PRKAB2: variants seen among roughly 807,000 people sequenced by gnomAD.
The protein encoded by PRKAB2 is 5'-AMP-activated protein kinase subunit beta-2.
Under a neutral mutation model 29.8 loss-of-function variants are expected in PRKAB2, and 18 were observed. The ratio of observed to expected loss-of-function variants is 0.60; its 90% CI spans 0.42 to 0.89. The LOEUF (loss-of-function observed/expected upper bound fraction) is 0.89, where lower values mean the gene tolerates loss of function less well. Ranked by LOEUF, PRKAB2 falls within the 40% of genes least tolerant of loss-of-function variation. PRKAB2 has a pLI of 0.00. For missense variants in PRKAB2, 270 were observed against 344.3 expected (o/e 0.78, Z 1.71); for synonymous variants, 136 against 125.9 (o/e 1.08, Z -0.54).
intron 5 of PRKAB2, among the ~76,000 whole-genome samples, chr1:147,164,065 T>G (rs1004791487): frequency 6.6e-6 from 1 of 151,834 alleles, no homozygotes; most frequent in African/African-American, 2.4e-5. Flanking sequence ...GCCTTCAGAG[T>G]AGTTGGTACT....
intron 5 of PRKAB2, among the ~76,000 whole-genome samples, chr1:147,165,028 C>A (rs6689934): frequency 0.051 from 7,707 of 152,258 alleles, 322 homozygotes; most frequent in East Asian, 0.16. Flanking sequence ...GTTTCCTCAA[C>A]AGATGATTAC....
At chr1:147,170,273 C>T (rs1437795504) in intron 2 of PRKAB2, among the ~76,000 whole-genome samples, 1 of 152,158 alleles carries the variant, frequency 6.6e-6, no homozygotes, top group Non-Finnish European at 1.5e-5. Context: ...TCTTAATTCA[C>T]AAATGCCAAG....
At chr1:147,167,497 G>C (rs1283666367) in intron 3 of PRKAB2, among the ~76,000 whole-genome samples, 2 of 152,156 alleles carry the variant, frequency 1.3e-5, no homozygotes, top group Non-Finnish European at 2.9e-5. Flanking sequence ...CACAAGCATA[G>C]ACAGGACTTG....
chr1:147,172,230 GC>G, intron 1 of PRKAB2, 63 bp from the exon 2 acceptor site: 2 of 1,440,408 alleles, frequency 1.4e-6, no homozygotes, highest in South Asian at 2.9e-5. Context: ...GCGCCCCCCG[GC>G]CCCGCCCCTG....
intron 5 of PRKAB2, among the ~76,000 whole-genome samples, chr1:147,165,078 T>G (rs949893527): frequency 2.6e-5 from 4 of 152,184 alleles, no homozygotes; most frequent in Non-Finnish European, 2.9e-5. Context: ...CAGGCTGGAG[T>G]GCAGTGGCGA....
intron 7 of PRKAB2, among the ~76,000 whole-genome samples, chr1:147,160,308 G>C (rs1399799475): frequency 6.6e-6 from 1 of 152,064 alleles, no homozygotes; most frequent in Non-Finnish European, 1.5e-5. Context: ...ATCAGGAATG[G>C]GTCAGAACCA....
chr1:147,163,635 A>G (rs1654082559), intron 5 of PRKAB2, among the ~76,000 whole-genome samples: 1 of 152,226 alleles, frequency 6.6e-6, no homozygotes, highest in Non-Finnish European at 1.5e-5. Context: ...TGAAATGTCC[A>G]GAACAGGCAA....
chr1:147,167,733 C>T (rs781997001), intron 3 of PRKAB2, 34 bp downstream of exon 3: 4 of 1,596,932 alleles, frequency 2.5e-6, no homozygotes, highest in South Asian at 1.1e-5. Flanking sequence ...GTCTCTATTC[C>T]TGGACCCTTA....
At position 147,155,696 on chromosome 1, in the gene PRKAB2, T is replaced by C. The variant is rs1322096452; in HGVS notation, c.*3869A>G. On this transcript the variant is annotated 3_prime_UTR_variant, in exon 8 of 8. Coordinates refer to ENST00000254101, the MANE Select transcript of PRKAB2 (RefSeq NM_005399.5). ...CTTACTGCAAAAGTGCTGTGCTACATACAATCAATTCAAGTTAACTCCAAC... is the reference window on the plus strand; with the variant it reads ...CTTACTGCAAAAGTGCTGTGCTACACACAATCAATTCAAGTTAACTCCAAC... 6.6e-6 allele frequency: 1 copy of C among 152,598 alleles called. No individual in the cohort carries two copies. Among genetic ancestry groups the C allele is most frequent in the Non-Finnish European group, 1.5e-5 (1 of 68,018 alleles). The allele number at this position is 152,598 out of a possible 1,614,324, so 9.5% of individuals were successfully genotyped here. A position where few individuals can be genotyped will look rare whatever the true frequency, so the allele number is the denominator to read the frequency against.
chr1:147,167,247 C>T (rs1159079909), intron 3 of PRKAB2, among the ~76,000 whole-genome samples: 4 of 152,140 alleles, frequency 2.6e-5, no homozygotes, highest in African/African-American at 7.2e-5. Context: ...AGTTCCTCAC[C>T]AGTGCAAATA....
In PRKAB2 at chr1:147,166,387, C is replaced by G; in HGVS notation, c.538+111G>C. 4 of 1,224,658 alleles carry G rather than the reference C, an allele frequency of 3.3e-6. No individual in the cohort carries two copies. In the African/African-American group the frequency reaches 4.6e-5, roughly 14 times the overall value. The allele number at this position is 1,224,658 out of a possible 1,614,324, so 75.9% of individuals were successfully genotyped here. On this transcript the variant is annotated intron_variant, in intron 5 of 7. Transcript: ENST00000254101. ...AATCTCTGTCTCTCTCTCTCCTCCC[C>G]CCAACCCCCTGCTCTCTCTCTCCCT...
At chr1:147,160,463 A>G (rs1429759353) in intron 7 of PRKAB2, among the ~76,000 whole-genome samples, 2 of 152,292 alleles carry the variant, frequency 1.3e-5, no homozygotes, top group East Asian at 3.9e-4. Context: ...ATGACATCCA[A>G]GGAGCAGTTA....
chr1:147,168,609 G>C (rs1654365190), intron 2 of PRKAB2, among the ~76,000 whole-genome samples: 1 of 152,188 alleles, frequency 6.6e-6, no homozygotes, highest in Non-Finnish European at 1.5e-5. Context: ...AGAAGCAAGA[G>C]ATCAAAAATA....
At position 147,157,348 on chromosome 1, in the gene PRKAB2, C is replaced by G. The variant is rs1553912551; in HGVS notation, c.*2217G>C. The G allele has an allele frequency of 6.6e-6, 1 of 152,134 alleles. No individual in the cohort carries two copies. The highest frequency in any genetic ancestry group is 6.6e-5 in the Admixed American group (1 of 15,264). 9.4% of individuals were successfully genotyped at this position (152,134 alleles called of 1,614,324 possible). A position where few individuals can be genotyped will look rare whatever the true frequency, so the allele number is the denominator to read the frequency against. ...TACCAGCTGGTAGGCTCCCATTTCA[C>G]ATCTGGGCTGAGAGTTACCTCAGAA... On this transcript the variant is annotated 3_prime_UTR_variant, in exon 8 of 8. Transcript: ENST00000254101.
In PRKAB2 at chr1:147,166,621, G is replaced by GA. The variant is rs1553913738; in HGVS notation, c.418-4dup. Reference sequence around the variant, plus strand: ...CCAAGCTGACTGGTAACCACAGGCTGAAACAGTGAATAGAAAAAATTATTG... The same window carrying GA: ...CCAAGCTGACTGGTAACCACAGGCTGAAAACAGTGAATAGAAAAAATTATTG... On this transcript the variant is annotated splice_region_variant and splice_polypyrimidine_tract_variant and intron_variant, in intron 4 of 7. Coordinates refer to ENST00000254101, the MANE Select transcript of PRKAB2 (RefSeq NM_005399.5). 1.2e-6 allele frequency: 2 copies of GA among 1,610,488 alleles called. No individual in the cohort carries two copies. The highest frequency in any genetic ancestry group is 1.7e-5 in the Admixed American group (1 of 58,756).
chr1:147,167,635 T>C, intron 3 of PRKAB2, 132 bp downstream of exon 3: 2 of 1,043,830 alleles, frequency 1.9e-6, no homozygotes, highest in Non-Finnish European at 2.8e-6. Context: ...ATATACTAAG[T>C]GGCCGCAGAA....
chr1:147,165,126 C>T (rs891356506), intron 5 of PRKAB2, among the ~76,000 whole-genome samples: 2 of 152,074 alleles, frequency 1.3e-5, no homozygotes, highest in Non-Finnish European at 2.9e-5. Flanking sequence ...CCCGGGTTCA[C>T]GTCATTCTCC....
rs1272755366 is a variant in PRKAB2 at position 147,157,158 on chromosome 1, T to C, written c.*2407A>G. On this transcript the variant is annotated 3_prime_UTR_variant, in exon 8 of 8. Coordinates refer to ENST00000254101, the MANE Select transcript of PRKAB2 (RefSeq NM_005399.5). Reference sequence around the variant, plus strand: ...TAATTATCCCTTTAACTAATCAATATACAATGATAAATGAGTAGTACTTTG... The same window carrying C: ...TAATTATCCCTTTAACTAATCAATACACAATGATAAATGAGTAGTACTTTG... 2.0e-5 allele frequency: 3 copies of C among 152,132 alleles called. No homozygotes were observed. Among genetic ancestry groups the C allele is most frequent in the South Asian group, 4.1e-4 (2 of 4,828 alleles). The allele number at this position is 152,132 out of a possible 1,614,324, so 9.4% of individuals were successfully genotyped here. A position where few individuals can be genotyped will look rare whatever the true frequency, so the allele number is the denominator to read the frequency against.
At chr1:147,165,692 G>A (rs921042226) in intron 5 of PRKAB2, among the ~76,000 whole-genome samples, 4 of 151,494 alleles carry the variant, frequency 2.6e-5, no homozygotes, top group Non-Finnish European at 5.9e-5. Flanking sequence ...AATATTAGAG[G>A]AAATAAAAGT....
Sources: gnomAD v4.1 joint callset for allele counts (sites outside exome capture counted in the v4.1 genomes callset) on GRCh38, gnomAD v4.1.1 for gene constraint, MANE v1.5 for transcripts, NCBI Gene and HGNC (gene_info 2026-07-23, HGNC 2026-07-21) for gene names.